SAMD12: variants seen among roughly 807,000 people sequenced by gnomAD.
SAMD12 encodes the protein sterile alpha motif domain-containing protein 12.
In SAMD12, 9 loss-of-function variants were observed where a neutral mutation model predicts 15.0. The observed-to-expected ratio is 0.60, with a 90% CI of 0.36 to 1.05. SAMD12 has a LOEUF of 1.05. Among genes scored for constraint, SAMD12 ranks in the 50% least tolerant of loss-of-function variants. The pLI, the probability that SAMD12 is intolerant of heterozygous loss-of-function variation, is 0.01. For synonymous variants in SAMD12, 86 were observed against 90.1 expected, an observed-to-expected ratio of 0.96 and a Z score of 0.25; for missense variants, 230 against 234.2, an observed-to-expected ratio of 0.98 and a Z score of 0.12.
At chr8:118,417,244 T>C (rs1821745626) in intron 3 of SAMD12, among the ~76,000 whole-genome samples, 1 of 152,104 alleles carries the variant, frequency 6.6e-6, no homozygotes, top group East Asian at 1.9e-4. Context: ...CTATGCCAAG[T>C]TAATTTTTAA....
Position 118,379,388 on chromosome 8 carries a change from A to G in SAMD12, c.*29T>C. On this transcript the variant is annotated 3_prime_UTR_variant, in exon 4 of 4. Coordinates refer to ENST00000314727, the MANE Select transcript of SAMD12 (RefSeq NM_207506.3). The stretch of plus-strand genomic sequence containing the variant: ...TGTGCATCCTTCTCCCTAGTGAGCT[A>G]TGAAAAAAGTTTTCAAAGGGAAGTA... 1 of 1,604,902 alleles carries G rather than the reference A, an allele frequency of 6.2e-7. No homozygotes were observed. Among genetic ancestry groups the G allele is most frequent in the South Asian group, 1.1e-5 (1 of 90,352 alleles).
chr8:118,474,106 G>C (rs1051187881), intron 2 of SAMD12, among the ~76,000 whole-genome samples: 1 of 150,636 alleles, frequency 6.6e-6, no homozygotes, highest in Admixed American at 6.6e-5. Context: ...TTATAGGCAC[G>C]CACCACCCCA....
chr8:118,416,608 T>C (rs1821703311), intron 3 of SAMD12, among the ~76,000 whole-genome samples: 1 of 152,168 alleles, frequency 6.6e-6, no homozygotes, highest in South Asian at 2.1e-4. Context: ...CATCCAATGG[T>C]ACACAATTTC....
At chr8:118,204,230 G>C (rs1819798904) in intron 4 of SAMD12, among the ~76,000 whole-genome samples, 2 of 150,626 alleles carry the variant, frequency 1.3e-5, no homozygotes, top group African/African-American at 4.9e-5. Context: ...ATATGTATGG[G>C]AGAGGTAAAA....
At chr8:118,308,688 C>A (rs994527305) in intron 4 of SAMD12, among the ~76,000 whole-genome samples, 46 of 149,076 alleles carry the variant, frequency 3.1e-4, no homozygotes, top group Admixed American at 1.6e-3. Flanking sequence ...CCTTCCATTT[C>A]AAAAAGGAAT....
At chr8:118,315,794 A>C (rs1815863185) in intron 4 of SAMD12, among the ~76,000 whole-genome samples, 1 of 152,072 alleles carries the variant, frequency 6.6e-6, no homozygotes. Flanking sequence ...AGGCTGAAGA[A>C]GCGTCCACCA....
At chr8:118,541,349 A>C (rs748267473) in intron 2 of SAMD12, among the ~76,000 whole-genome samples, 44 of 152,214 alleles carry the variant, frequency 2.9e-4, no homozygotes, top group Admixed American at 3.9e-4. Flanking sequence ...ATTTGTAGCT[A>C]ATCTGAAACT....
chr8:118,503,043 T>C (rs1356735877), intron 2 of SAMD12, among the ~76,000 whole-genome samples: 1 of 152,226 alleles, frequency 6.6e-6, no homozygotes, highest in Non-Finnish European at 1.5e-5. Context: ...GAGGCAGAGA[T>C]ATTAGACACA....
intron 4 of SAMD12, among the ~76,000 whole-genome samples, chr8:118,255,614 T>C (rs1363597123): frequency 2.7e-5 from 4 of 150,680 alleles, no homozygotes; most frequent in Non-Finnish European, 4.4e-5. Context: ...GTTTGGTTTT[T>C]TGTCCTTGCG....
At chr8:118,225,820 A>G (rs1812177339) in intron 4 of SAMD12, among the ~76,000 whole-genome samples, 1 of 152,190 alleles carries the variant, frequency 6.6e-6, no homozygotes, top group African/African-American at 2.4e-5. Context: ...TTGAACTTAC[A>G]AAATCATCAA....
At chr8:118,567,825 AT>A (rs1197122606) in intron 2 of SAMD12, among the ~76,000 whole-genome samples, 1 of 152,232 alleles carries the variant, frequency 6.6e-6, no homozygotes, top group African/African-American at 2.4e-5. Flanking sequence ...AAATGTAGAC[AT>A]TGTAGGTGTG....
At chr8:118,526,613 G>A (rs1825544564) in intron 2 of SAMD12, among the ~76,000 whole-genome samples, 1 of 152,150 alleles carries the variant, frequency 6.6e-6, no homozygotes, top group South Asian at 2.1e-4. Context: ...GCAGGGATAA[G>A]GTGAAGTGGA....
chr8:118,182,189 A>T, the SAMD12 span, among the ~76,000 whole-genome samples: 1 of 152,202 alleles, frequency 6.6e-6, no homozygotes, highest in Non-Finnish European at 1.5e-5. Context: ...TCTCAGACTT[A>T]CATGGAAAGG....
At chr8:118,212,036 G>T (rs1811842016) in intron 4 of SAMD12, among the ~76,000 whole-genome samples, 1 of 151,634 alleles carries the variant, frequency 6.6e-6, no homozygotes, top group Admixed American at 6.6e-5. Flanking sequence ...TGTAAAAGGA[G>T]AAGATTTGTG....
intron 3 of SAMD12, among the ~76,000 whole-genome samples, chr8:118,385,432 T>A (rs1299467168): frequency 1.3e-5 from 2 of 152,206 alleles, no homozygotes; most frequent in African/African-American, 4.8e-5. Context: ...TGTTAGCTCT[T>A]CCTGGTTCTA....
At chr8:118,335,563 G>A (rs1164726383) in intron 4 of SAMD12, among the ~76,000 whole-genome samples, 1 of 152,146 alleles carries the variant, frequency 6.6e-6, no homozygotes, top group Non-Finnish European at 1.5e-5. Flanking sequence ...TTCTGAGGGT[G>A]GCATGCCAGT....
intron 4 of SAMD12, among the ~76,000 whole-genome samples, chr8:118,238,803 A>G (rs976009989): frequency 5.3e-5 from 8 of 152,260 alleles, no homozygotes; most frequent in African/African-American, 9.6e-5. Context: ...TAACTCTTCC[A>G]AGGCCACAAA....
At chr8:118,335,591 G>A (rs925345414) in intron 4 of SAMD12, among the ~76,000 whole-genome samples, 28 of 152,142 alleles carry the variant, frequency 1.8e-4, no homozygotes, top group Non-Finnish European at 3.7e-4. Flanking sequence ...TAAAGTGTGT[G>A]CCGAATCTTT....
intron 3 of SAMD12, among the ~76,000 whole-genome samples, chr8:118,395,687 G>C (rs12546245): frequency 6.6e-6 from 1 of 151,872 alleles, no homozygotes; most frequent in African/African-American, 2.4e-5. Context: ...ACTCAGAAGC[G>C]GTGGCTCATG....
Sources: allele counts gnomAD v4.1 joint callset (sites outside exome capture counted in the v4.1 genomes callset), GRCh38; gene constraint gnomAD v4.1.1; transcripts MANE v1.5; gene names NCBI Gene and HGNC (gene_info 2026-07-23, HGNC 2026-07-21).